The following PTPRG variants were observed in gnomAD, a reference collection of about 807,000 sequenced individuals.
PTPRG encodes protein tyrosine phosphatase receptor type G, also known as receptor-type tyrosine-protein phosphatase gamma.
Under a neutral mutation model 165.3 loss-of-function variants are expected in PTPRG, and 102 were observed. The ratio of observed to expected loss-of-function variants is 0.62; its 90% CI spans 0.53 to 0.73. The LOEUF is 0.73. Among genes scored for constraint, PTPRG ranks in the 30% least tolerant of loss-of-function variants. The probability of loss-of-function intolerance (pLI) is 0.00; values close to 1 mark genes in which losing one functional copy is unlikely to be tolerated. For synonymous variants in PTPRG, 675 were observed against 669.5 expected (o/e 1.01, Z -0.13); for missense variants, 1,866 against 1,861.4 (o/e 1.00, Z -0.05).
chr3:61,592,956 A>G (rs1700609734), intron 1 of PTPRG, among the ~76,000 whole-genome samples: 2 of 151,970 alleles, frequency 1.3e-5, no homozygotes, highest in African/African-American at 4.8e-5. Context: ...GGCAGGCAAA[A>G]ACAATATAGG....
intron 4 of PTPRG, among the ~76,000 whole-genome samples, chr3:62,013,187 CAT>C (rs926542637): frequency 6.6e-6 from 1 of 152,018 alleles, no homozygotes; most frequent in East Asian, 1.9e-4. Flanking sequence ...ATTGTTTTAA[CAT>C]AAAATCAATA....
chr3:61,900,289 T>G (rs551497396), intron 2 of PTPRG, among the ~76,000 whole-genome samples: 11 of 152,338 alleles, frequency 7.2e-5, no homozygotes, highest in Non-Finnish European at 1.3e-4. Context: ...TTTTGTATTT[T>G]TAATAGGCTA....
chr3:61,764,871 G>A (rs758646496), intron 2 of PTPRG, among the ~76,000 whole-genome samples: 5 of 152,120 alleles, frequency 3.3e-5, no homozygotes, highest in Non-Finnish European at 5.9e-5. Flanking sequence ...ACATTTTTTG[G>A]TTGTGACAAT....
At chr3:61,949,688 C>G (rs554053891) in intron 2 of PTPRG, among the ~76,000 whole-genome samples, 1 of 151,748 alleles carries the variant, frequency 6.6e-6, no homozygotes, top group African/African-American at 2.4e-5. Context: ...CTTCCTAAGC[C>G]TTTGGGTTTC....
At chr3:61,709,376 G>A (rs184742639) in intron 1 of PTPRG, among the ~76,000 whole-genome samples, 4 of 151,878 alleles carry the variant, frequency 2.6e-5, no homozygotes, top group Non-Finnish European at 5.9e-5. Flanking sequence ...GTGCAGTGGC[G>A]CAATCTCAGT....
chr3:62,043,744 A>G (rs953651971), intron 4 of PTPRG, among the ~76,000 whole-genome samples: 3 of 152,228 alleles, frequency 2.0e-5, no homozygotes, highest in African/African-American at 7.2e-5. Flanking sequence ...TATGATTGTT[A>G]AAGGATAGAC....
intron 1 of PTPRG, among the ~76,000 whole-genome samples, chr3:61,672,484 G>A (rs1417639333): frequency 1.4e-5 from 2 of 147,304 alleles, no homozygotes; most frequent in East Asian, 2.1e-4. Context: ...TCGGGAGGCC[G>A]AGGCTGGCGG....
chr3:62,004,676 G>T (rs2041253549), intron 4 of PTPRG, among the ~76,000 whole-genome samples: 2 of 152,298 alleles, frequency 1.3e-5, no homozygotes, highest in East Asian at 3.9e-4. Context: ...TTTCTGTGCA[G>T]CGAGCAGCCG....
chr3:62,113,865 C>CATA (rs1484479050), intron 5 of PTPRG, among the ~76,000 whole-genome samples: 1 of 152,164 alleles, frequency 6.6e-6, no homozygotes, highest in African/African-American at 2.4e-5. Context: ...ATGGCGGTGC[C>CATA]ATAATTCATA....
At chr3:61,980,288 G>A (rs959570209) in intron 2 of PTPRG, among the ~76,000 whole-genome samples, 3 of 152,170 alleles carry the variant, frequency 2.0e-5, no homozygotes, top group Non-Finnish European at 4.4e-5. Flanking sequence ...GCGGTGGCAT[G>A]TCTCTGAGGC....
chr3:62,033,530 T>TCCCCCCCCCC (rs147045221), intron 4 of PTPRG, among the ~76,000 whole-genome samples: 6 of 134,106 alleles, frequency 4.5e-5, no homozygotes, highest in African/African-American at 5.5e-5. Flanking sequence ...ATGCCTATCT[T>TCCCCCCCCCC]CCCCCCCCCA....
intron 7 of PTPRG, among the ~76,000 whole-genome samples, chr3:62,167,653 G>C (rs916040293): frequency 6.6e-6 from 1 of 152,268 alleles, no homozygotes; most frequent in Middle Eastern, 3.4e-3. Context: ...AATGGTAAAG[G>C]CTTTTCCAGC....
chr3:62,080,582 G>A (rs1439913850), intron 5 of PTPRG, among the ~76,000 whole-genome samples: 1 of 152,022 alleles, frequency 6.6e-6, no homozygotes, highest in African/African-American at 2.4e-5. Context: ...ATGCCAACCT[G>A]TGCTCAGACC....
At chr3:62,156,126 A>G (rs992722789) in intron 6 of PTPRG, among the ~76,000 whole-genome samples, 2 of 152,220 alleles carry the variant, frequency 1.3e-5, no homozygotes, top group Non-Finnish European at 2.9e-5. Context: ...CTACGACACT[A>G]TTCCTTCCTG....
Position 62,254,361 on chromosome 3 carries a change from T to G in PTPRG, c.2468-763T>G, listed in dbSNP as rs1057141598. The stretch of plus-strand genomic sequence containing the variant: ...CTCCAGTTAGTTGGGTGTGGCTATT[T>G]TATAGCAGTACTCAAGTATCATGAT... On this transcript the variant is annotated intron_variant, in intron 15 of 29. Coordinates refer to ENST00000474889, the MANE Select transcript of PTPRG (RefSeq NM_002841.4). This position sits in a 1 kb window ranked among gnomAD's most constrained non-coding sequence, Gnocchi z 4.6. Among the ~76,000 whole-genome samples the G allele has an allele frequency of 3.3e-5, 5 of 152,106 alleles. No individual in the cohort carries two copies. Among genetic ancestry groups the G allele is most frequent in the Non-Finnish European group, 7.4e-5 (5 of 67,998 alleles).
rs528215191 is a variant in PTPRG at position 61,852,788 on chromosome 3, T to G, written c.190+103806T>G. Among the ~76,000 whole-genome samples, 12 of 152,340 alleles carry G rather than the reference T, an allele frequency of 7.9e-5. No individual in the cohort carries two copies. In the East Asian group the frequency reaches 1.5e-3, roughly 20 times the overall value. On this transcript the variant is annotated intron_variant, in intron 2 of 29. Coordinates refer to ENST00000474889, the MANE Select transcript of PTPRG (RefSeq NM_002841.4). ...ATGTGTGAAAGCACCATGCAACAGTTTGCCTTATGAAAATTGCCTGATTTA... is the reference window on the plus strand; with the variant it reads ...ATGTGTGAAAGCACCATGCAACAGTGTGCCTTATGAAAATTGCCTGATTTA...
intron 9 of PTPRG, among the ~76,000 whole-genome samples, chr3:62,193,083 G>C (rs1207405012): frequency 6.6e-6 from 1 of 152,160 alleles, no homozygotes; most frequent in Non-Finnish European, 1.5e-5. Flanking sequence ...GGCACCCAAG[G>C]TTATGATGTA....
intron 2 of PTPRG, among the ~76,000 whole-genome samples, chr3:61,962,554 CCA>C (rs2040178609): frequency 6.6e-6 from 1 of 152,020 alleles, no homozygotes; most frequent in Non-Finnish European, 1.5e-5. Flanking sequence ...TTTTTTATAT[CCA>C]CAGTCACATT....
At position 61,894,301 on chromosome 3, in the gene PTPRG, C is replaced by CAAAAAAAAAA; in HGVS notation, c.191-95300_191-95291dup. ...CGGGCAACAGAGCAAGACTCTGTGT[C>CAAAAAAAAAA]AAAAAAAAAAAAAAAAAAAAAAAAA... On this transcript the variant is annotated intron_variant, in intron 2 of 29. Transcript: ENST00000474889. Among the ~76,000 whole-genome samples, 87 of 49,842 alleles carry CAAAAAAAAAA rather than the reference C, an allele frequency of 1.7e-3. 10 individuals carry two copies. The highest frequency in any genetic ancestry group is 4.4e-3 in the African/African-American group (66 of 15,092). 32.7% of individuals were successfully genotyped at this position (49,842 alleles called of 152,430 possible). A position where few individuals can be genotyped will look rare whatever the true frequency, so the allele number is the denominator to read the frequency against.
Sources: allele counts gnomAD v4.1 joint callset (sites outside exome capture counted in the v4.1 genomes callset), GRCh38; gene constraint gnomAD v4.1.1; non-coding constraint Gnocchi (gnomAD v3.1); transcripts MANE v1.5; gene names NCBI Gene and HGNC (gene_info 2026-07-23, HGNC 2026-07-21).